CSGALNACT1: variants seen among roughly 807,000 people sequenced by gnomAD.
CSGALNACT1 encodes the protein chondroitin sulfate N-acetylgalactosaminyltransferase 1.
CSGALNACT1 carries 52 observed loss-of-function variants against 51.0 expected under a neutral mutation model. The ratio of observed to expected loss-of-function variants is 1.02; its 90% CI spans 0.82 to 1.29. The LOEUF (loss-of-function observed/expected upper bound fraction) is 1.29. Ranked by LOEUF, CSGALNACT1 falls within the 50% of genes most tolerant of loss-of-function variation. The pLI is 0.00. For missense variants in CSGALNACT1, 935 were observed against 679.2 expected (o/e 1.38, Z -4.19); for synonymous variants, 341 against 254.4 (o/e 1.34, Z -3.24).
chr8:19,755,160 G>A (rs79243480), intron 1 of CSGALNACT1, among the ~76,000 whole-genome samples: 9,663 of 152,124 alleles, frequency 0.064, 342 homozygotes, highest in South Asian at 0.087. Context: ...TCTTTTTAAT[G>A]TAATAACATG....
chr8:19,556,834 G>A (rs1383634703), intron 3 of CSGALNACT1, among the ~76,000 whole-genome samples: 1 of 152,000 alleles, frequency 6.6e-6, no homozygotes, highest in Non-Finnish European at 1.5e-5. Context: ...AAGTACAACA[G>A]GATGAAGTTT....
intron 4 of CSGALNACT1, among the ~76,000 whole-genome samples, chr8:19,464,029 C>T (rs1037539808): frequency 7.9e-5 from 12 of 152,298 alleles, no homozygotes; most frequent in Non-Finnish European, 1.8e-4. Context: ...CTCAGATTCC[C>T]CGCCCCCACT....
chr8:19,666,809 A>AAGAAAGAAAGAAAGAAAGAAAG (rs1564383214), intron 1 of CSGALNACT1, among the ~76,000 whole-genome samples: 9 of 25,104 alleles, frequency 3.6e-4, no homozygotes, highest in Admixed American at 1.5e-3. Context: ...GAAAGAAAGA[A>AAGAAAGAAAGAAAGAAAGAAAG]AGAGAGAGAG....
At chr8:19,586,144 C>T (rs1229936260) in intron 3 of CSGALNACT1, among the ~76,000 whole-genome samples, 2 of 152,148 alleles carry the variant, frequency 1.3e-5, no homozygotes, top group Non-Finnish European at 2.9e-5. Flanking sequence ...GGGCAGATCA[C>T]ATGAGGTCAG....
At chr8:19,720,371 C>G (rs2063054302) in intron 1 of CSGALNACT1, among the ~76,000 whole-genome samples, 1 of 152,158 alleles carries the variant, frequency 6.6e-6, no homozygotes, top group African/African-American at 2.4e-5. Context: ...ATCATAAAGC[C>G]TGATGGACCA....
chr8:19,497,739 G>C (rs1227929596), intron 4 of CSGALNACT1, among the ~76,000 whole-genome samples: 1 of 152,150 alleles, frequency 6.6e-6, no homozygotes, highest in Non-Finnish European at 1.5e-5. Flanking sequence ...CTAAGCTAAA[G>C]AGAAAAGTCA....
At chr8:19,572,939 G>T (rs115526779) in intron 3 of CSGALNACT1, among the ~76,000 whole-genome samples, 2 of 152,066 alleles carry the variant, frequency 1.3e-5, no homozygotes, top group African/African-American at 4.8e-5. Context: ...CCTAAATATC[G>T]TATTTGAAAA....
intron 1 of CSGALNACT1, among the ~76,000 whole-genome samples, chr8:19,663,090 G>A (rs2058898495): frequency 6.6e-6 from 1 of 152,128 alleles, no homozygotes; most frequent in Non-Finnish European, 1.5e-5. Flanking sequence ...CATTAGTCAT[G>A]ATCACTGCCT....
chr8:19,674,831 G>GA (rs201451104), intron 1 of CSGALNACT1, among the ~76,000 whole-genome samples: 166 of 149,430 alleles, frequency 1.1e-3, no homozygotes, highest in Middle Eastern at 3.4e-3. Flanking sequence ...GATATATTTT[G>GA]AAAAAAAAAA....
chr8:19,501,288 A>C (rs1176114106), intron 4 of CSGALNACT1, among the ~76,000 whole-genome samples: 2 of 151,852 alleles, frequency 1.3e-5, no homozygotes, highest in African/African-American at 4.8e-5. Flanking sequence ...GCAAGCTAGC[A>C]AATGCTACAC....
intron 3 of CSGALNACT1, among the ~76,000 whole-genome samples, chr8:19,570,667 C>A (rs771412176): frequency 6.6e-6 from 1 of 152,040 alleles, no homozygotes; most frequent in Non-Finnish European, 1.5e-5. Context: ...TTTGGGAGGC[C>A]GAAGTGGGCA....
At chr8:19,519,106 G>A (rs568758032) in intron 3 of CSGALNACT1, among the ~76,000 whole-genome samples, 26 of 152,092 alleles carry the variant, frequency 1.7e-4, no homozygotes, top group Non-Finnish European at 3.7e-4. Context: ...CAAACATTAT[G>A]GAAAGCCCAA....
At chr8:19,551,058 T>C (rs1264845148) in intron 3 of CSGALNACT1, among the ~76,000 whole-genome samples, 1 of 152,222 alleles carries the variant, frequency 6.6e-6, no homozygotes, top group Non-Finnish European at 1.5e-5. Context: ...AGCTTGTGGT[T>C]CTGAAACCAC....
At chr8:19,555,981 C>A (rs11988991) in intron 3 of CSGALNACT1, among the ~76,000 whole-genome samples, 3 of 151,922 alleles carry the variant, frequency 2.0e-5, no homozygotes, top group Non-Finnish European at 4.4e-5. Context: ...CATCAGGAAC[C>A]GGCATTCTGT....
chr8:19,726,115 A>G (rs1290133573), intron 1 of CSGALNACT1, among the ~76,000 whole-genome samples: 1 of 152,204 alleles, frequency 6.6e-6, no homozygotes, highest in Non-Finnish European at 1.5e-5. Flanking sequence ...TTCCTAACAA[A>G]ATACTGATAA....
chr8:19,443,032 G>A (rs1310301110), intron 5 of CSGALNACT1, among the ~76,000 whole-genome samples: 2 of 152,136 alleles, frequency 1.3e-5, no homozygotes, highest in African/African-American at 2.4e-5. Flanking sequence ...CAGGCACCGA[G>A]CACCTCATGC....
intron 1 of CSGALNACT1, among the ~76,000 whole-genome samples, chr8:19,612,007 C>T: frequency 6.6e-6 from 1 of 151,996 alleles, no homozygotes; most frequent in Non-Finnish European, 1.5e-5. Context: ...TCTGCTGGTC[C>T]TCTTTTGAGG....
intron 3 of CSGALNACT1, among the ~76,000 whole-genome samples, chr8:19,507,341 C>T (rs192945550): frequency 1.2e-3 from 190 of 152,072 alleles, no homozygotes; most frequent in African/African-American, 4.4e-3. Flanking sequence ...CAGGACTTTT[C>T]ACATGCTCTG....
chr8:19,657,315 G>A (rs986144690), intron 1 of CSGALNACT1, among the ~76,000 whole-genome samples: 1 of 62,878 alleles, frequency 1.6e-5, no homozygotes, highest in Non-Finnish European at 3.3e-5. Context: ...ACTGAAAGAC[G>A]TGAGGATGTC....
Sources: gnomAD v4.1 joint callset for allele counts (sites outside exome capture counted in the v4.1 genomes callset) on GRCh38, gnomAD v4.1.1 for gene constraint, MANE v1.5 for transcripts, NCBI Gene and HGNC (gene_info 2026-07-23, HGNC 2026-07-21) for gene names.